The following CNTNAP5 variants were observed in gnomAD, a reference collection of about 807,000 sequenced individuals.
CNTNAP5 encodes the protein contactin-associated protein-like 5.
In CNTNAP5, 72 loss-of-function variants were observed where a neutral mutation model predicts 150.2. The ratio of observed to expected loss-of-function variants is 0.48; its 90% CI spans 0.40 to 0.58. The LOEUF (loss-of-function observed/expected upper bound fraction) is 0.58. Among genes scored for constraint, CNTNAP5 ranks in the 20% least tolerant of loss-of-function variants. The pLI is 0.00. For synonymous variants in CNTNAP5, 672 were observed against 619.8 expected, an observed-to-expected ratio of 1.08 and a Z score of -1.25; for missense variants, 1,636 against 1,626.2, an observed-to-expected ratio of 1.01 and a Z score of -0.10.
At chr2:124,375,476 C>G (rs1474469928) in intron 3 of CNTNAP5, among the ~76,000 whole-genome samples, 2 of 151,974 alleles carry the variant, frequency 1.3e-5, no homozygotes, top group African/African-American at 4.8e-5. Flanking sequence ...GAGGGGCATT[C>G]TATAAAACAA....
chr2:124,295,184 A>G (rs762246710), intron 3 of CNTNAP5, among the ~76,000 whole-genome samples: 1 of 151,570 alleles, frequency 6.6e-6, no homozygotes, highest in African/African-American at 2.4e-5. Context: ...GAGCTTGCAC[A>G]TGGTTCTCAG....
intron 6 of CNTNAP5, among the ~76,000 whole-genome samples, chr2:124,462,754 T>C (rs1002146811): frequency 9.2e-5 from 14 of 152,090 alleles, no homozygotes; most frequent in African/African-American, 2.7e-4. Context: ...GAGAACCACA[T>C]ATCATGAATC....
At chr2:124,543,283 C>T (rs1435152606) in intron 10 of CNTNAP5, among the ~76,000 whole-genome samples, 2 of 150,388 alleles carry the variant, frequency 1.3e-5, no homozygotes, top group Non-Finnish European at 2.9e-5. Context: ...CATAGGAGCA[C>T]ATTATCCATA....
chr2:124,911,759 A>C (rs1026527794), intron 23 of CNTNAP5, among the ~76,000 whole-genome samples: 3 of 152,070 alleles, frequency 2.0e-5, no homozygotes, highest in Non-Finnish European at 4.4e-5. Flanking sequence ...CCTCTGATTC[A>C]TGAGGCAGCT....
At chr2:124,791,134 C>T (rs1052196138) in intron 18 of CNTNAP5, among the ~76,000 whole-genome samples, 4 of 152,100 alleles carry the variant, frequency 2.6e-5, no homozygotes, top group African/African-American at 9.7e-5. Context: ...AGCACCTTTA[C>T]AAAGCAATGG....
chr2:124,533,848 T>C (rs1046666608), intron 10 of CNTNAP5, among the ~76,000 whole-genome samples: 1 of 152,198 alleles, frequency 6.6e-6, no homozygotes, highest in Admixed American at 6.5e-5. Context: ...CTAGAACAGC[T>C]ACAGCTGCTG....
chr2:124,184,662 A>G (rs1358281994), intron 1 of CNTNAP5, among the ~76,000 whole-genome samples: 1 of 152,280 alleles, frequency 6.6e-6, no homozygotes, highest in Admixed American at 6.5e-5. Context: ...TTGAGTCACA[A>G]TGGCATTGCT....
At chr2:124,313,632 C>T (rs1688887540) in intron 3 of CNTNAP5, among the ~76,000 whole-genome samples, 1 of 152,196 alleles carries the variant, frequency 6.6e-6, no homozygotes, top group African/African-American at 2.4e-5. Flanking sequence ...GTGGCTGTGT[C>T]CTCACACCCC....
chr2:124,482,995 C>T (rs556902396), intron 7 of CNTNAP5, among the ~76,000 whole-genome samples: 1 of 152,290 alleles, frequency 6.6e-6, no homozygotes, highest in South Asian at 2.1e-4. Context: ...TAACCAGACC[C>T]GGATTACTCG....
chr2:124,860,961 A>G (rs1308714631), intron 19 of CNTNAP5, among the ~76,000 whole-genome samples: 2 of 152,024 alleles, frequency 1.3e-5, no homozygotes, highest in Non-Finnish European at 2.9e-5. Flanking sequence ...ATCTGACCTC[A>G]TCATTTACTG....
At chr2:124,110,761 T>C (rs1384934514) in intron 1 of CNTNAP5, among the ~76,000 whole-genome samples, 1 of 152,094 alleles carries the variant, frequency 6.6e-6, no homozygotes, top group East Asian at 1.9e-4. Flanking sequence ...GACCCCAGAG[T>C]ATTCTACTGT....
intron 21 of CNTNAP5, among the ~76,000 whole-genome samples, chr2:124,880,122 T>A (rs1193592383): frequency 6.6e-6 from 1 of 152,148 alleles, no homozygotes; most frequent in African/African-American, 2.4e-5. Context: ...TTAATGATAA[T>A]AAATTGAGTT....
At chr2:124,777,775 ATGTGTGTGTG>A (rs35863925) in intron 17 of CNTNAP5, among the ~76,000 whole-genome samples, 5,773 of 130,634 alleles carry the variant, frequency 0.044, 142 homozygotes, top group African/African-American at 0.06. Context: ...GAATGGAGGG[ATGTGTGTGTG>A]TGTGTGTGTG....
At chr2:124,556,079 T>G (rs1384000820) in intron 10 of CNTNAP5, among the ~76,000 whole-genome samples, 1 of 152,152 alleles carries the variant, frequency 6.6e-6, no homozygotes, top group Non-Finnish European at 1.5e-5. Flanking sequence ...CCCCTAACCC[T>G]CACTTTGGCA....
rs1303085132 is a variant in CNTNAP5 at position 124,141,032 on chromosome 2, G to C, written c.83-80673G>C. On this transcript the variant is annotated intron_variant, in intron 1 of 23. Transcript: ENST00000682447. ...GCCGATGCGATCAACTGGAAGAAAGGGTATCAGCAATGGAAGATGAAATGA... is the reference window on the plus strand; with the variant it reads ...GCCGATGCGATCAACTGGAAGAAAGCGTATCAGCAATGGAAGATGAAATGA... Among the ~76,000 whole-genome samples, 5 of 41,288 alleles carry C rather than the reference G, an allele frequency of 1.2e-4. 1 individual carries two copies. The highest frequency in any genetic ancestry group is 3.9e-4 in the African/African-American group (5 of 12,678). 27.1% of individuals were successfully genotyped at this position (41,288 alleles called of 152,430 possible).
At chr2:124,163,536 T>C (rs913386701) in intron 1 of CNTNAP5, among the ~76,000 whole-genome samples, 3 of 152,114 alleles carry the variant, frequency 2.0e-5, no homozygotes, top group African/African-American at 4.8e-5. Flanking sequence ...TCAGGGCTCC[T>C]CATTTTACAT....
intron 6 of CNTNAP5, among the ~76,000 whole-genome samples, chr2:124,458,502 C>A (rs1397730569): frequency 6.6e-6 from 1 of 151,412 alleles, no homozygotes; most frequent in East Asian, 1.9e-4. Flanking sequence ...ACACCGTGGA[C>A]TTTAGGGGTT....
intron 3 of CNTNAP5, among the ~76,000 whole-genome samples, chr2:124,339,615 G>A (rs1257020764): frequency 6.6e-6 from 1 of 152,178 alleles, no homozygotes; most frequent in African/African-American, 2.4e-5. Flanking sequence ...ATGTGTAATT[G>A]CCTGATGGGT....
chr2:124,747,788 C>CTTTTTTTT lies in CNTNAP5; in HGVS notation c.2234+425_2234+432dup, dbSNP rs34959025. On this transcript the variant is annotated intron_variant, in intron 14 of 23. Transcript: ENST00000682447. ...GCACATGCCACCACTCCTAACTCTT[C>CTTTTTTTT]TTTTTTTTTTTTTTTTTTTTTTTTT... Among the ~76,000 whole-genome samples the CTTTTTTTT allele has an allele frequency of 8.9e-4, 38 of 42,476 alleles. 2 individuals are homozygous for CTTTTTTTT. The highest frequency in any genetic ancestry group is 1.5e-3 in the Non-Finnish European group (33 of 22,124). The allele number at this position is 42,476 out of a possible 152,430, so 27.9% of individuals were successfully genotyped here. A position where few individuals can be genotyped will look rare whatever the true frequency, so the allele number is the denominator to read the frequency against.
Sources: gnomAD v4.1 joint callset for allele counts (sites outside exome capture counted in the v4.1 genomes callset) on GRCh38, gnomAD v4.1.1 for gene constraint, MANE v1.5 for transcripts, NCBI Gene and HGNC (gene_info 2026-07-23, HGNC 2026-07-21) for gene names.